SLC9A9: variants seen among roughly 807,000 people sequenced by gnomAD.
SLC9A9 encodes solute carrier family 9 member A9.
Under a neutral mutation model 77.8 loss-of-function variants are expected in SLC9A9, and 62 were observed. That is an observed-to-expected ratio of 0.80 (90% confidence interval 0.65 to 0.98). The LOEUF (loss-of-function observed/expected upper bound fraction) is 0.98. SLC9A9 is among the 50% of genes least tolerant of loss of function. SLC9A9 has a pLI of 0.00. For synonymous variants in SLC9A9, 320 were observed against 283.5 expected (o/e 1.13, Z -1.29); for missense variants, 775 against 774.9 (o/e 1.00, Z 0.00).
chr3:143,409,770 C>G (rs2034055476), intron 12 of SLC9A9, among the ~76,000 whole-genome samples: 1 of 152,176 alleles, frequency 6.6e-6, no homozygotes, highest in African/African-American at 2.4e-5. Context: ...CGTTTGTTAG[C>G]AGATTTGTTT....
intron 9 of SLC9A9, among the ~76,000 whole-genome samples, chr3:143,504,631 C>A (rs1436555523): frequency 1.3e-5 from 2 of 152,152 alleles, no homozygotes; most frequent in Non-Finnish European, 2.9e-5. Context: ...AATATTACTA[C>A]TTCTAAAATA....
intron 14 of SLC9A9, among the ~76,000 whole-genome samples, chr3:143,327,919 A>G (rs1360991526): frequency 6.6e-6 from 1 of 152,170 alleles, no homozygotes; most frequent in Non-Finnish European, 1.5e-5. Context: ...TTCCTCTTTT[A>G]TGTTCCACTA....
chr3:143,346,162 A>G (rs1206965109), intron 14 of SLC9A9, among the ~76,000 whole-genome samples: 1 of 152,176 alleles, frequency 6.6e-6, no homozygotes, highest in Non-Finnish European at 1.5e-5. Context: ...GATTTCTCCC[A>G]ATATGCCAGT....
intron 4 of SLC9A9, among the ~76,000 whole-genome samples, chr3:143,740,468 T>C (rs973600603): frequency 6.6e-6 from 1 of 152,202 alleles, no homozygotes; most frequent in African/African-American, 2.4e-5. Context: ...ATAGTGATAT[T>C]TGTCCTAATT....
chr3:143,572,670 T>C (rs1381037179), intron 8 of SLC9A9, among the ~76,000 whole-genome samples: 1 of 152,140 alleles, frequency 6.6e-6, no homozygotes, highest in Non-Finnish European at 1.5e-5. Flanking sequence ...CCTGGTAGGG[T>C]GGAATCCAGT....
intron 12 of SLC9A9, among the ~76,000 whole-genome samples, chr3:143,431,487 T>A (rs369713574): frequency 1.7e-4 from 16 of 95,124 alleles, no homozygotes; most frequent in Non-Finnish European, 2.6e-4. Flanking sequence ...GCCCCCACCT[T>A]TTTTTTTTTT....
chr3:143,421,875 C>T (rs1193997653), intron 12 of SLC9A9, among the ~76,000 whole-genome samples: 1 of 152,050 alleles, frequency 6.6e-6, no homozygotes, highest in Non-Finnish European at 1.5e-5. Context: ...CTACAGGGAA[C>T]TTAAACAACC....
intron 14 of SLC9A9, among the ~76,000 whole-genome samples, chr3:143,340,457 G>A (rs1170354274): frequency 1.3e-5 from 2 of 152,200 alleles, no homozygotes; most frequent in Non-Finnish European, 2.9e-5. Flanking sequence ...AGGCCTGGAG[G>A]CTATAGTGGG....
chr3:143,662,997 C>T (rs977820778), intron 5 of SLC9A9, among the ~76,000 whole-genome samples: 1 of 152,168 alleles, frequency 6.6e-6, no homozygotes, highest in Non-Finnish European at 1.5e-5. Context: ...CAAGTGGGTC[C>T]CTGACCCCCA....
intron 4 of SLC9A9, among the ~76,000 whole-genome samples, chr3:143,787,413 T>C (rs1272927764): frequency 1.3e-5 from 2 of 152,218 alleles, no homozygotes; most frequent in African/African-American, 2.4e-5. Context: ...GAAATAATCA[T>C]ACCATTGAAT....
rs536080339 is a variant in SLC9A9, at chr3:143,556,330, C to T, written c.1001-3880G>A. Among the ~76,000 whole-genome samples, 50 of 152,228 alleles carry T rather than the reference C, an allele frequency of 3.3e-4. 1 individual carries two copies. Among genetic ancestry groups the T allele is most frequent in the Non-Finnish European group, 3.8e-4 (26 of 68,052 alleles). On this transcript the variant is annotated intron_variant, in intron 8 of 15. Transcript: ENST00000316549. ...AACCAGTGTCTCAGCTCCAAACCCA[C>T]GTATCTTTACTGGCTCTGTGATCCT...
intron 8 of SLC9A9, among the ~76,000 whole-genome samples, chr3:143,572,056 A>G (rs1030887131): frequency 6.6e-6 from 1 of 152,108 alleles, no homozygotes; most frequent in Admixed American, 6.6e-5. Context: ...TCTTTCTGTT[A>G]CTGGGGTTCA....
At chr3:143,516,492 A>G (rs1206429892) in intron 9 of SLC9A9, among the ~76,000 whole-genome samples, 1 of 152,210 alleles carries the variant, frequency 6.6e-6, no homozygotes, top group Non-Finnish European at 1.5e-5. Flanking sequence ...AAGGATATAA[A>G]TGCCTTAATT....
At chr3:143,669,910 T>C (rs2039132287) in intron 5 of SLC9A9, among the ~76,000 whole-genome samples, 1 of 152,238 alleles carries the variant, frequency 6.6e-6, no homozygotes, top group Non-Finnish European at 1.5e-5. Flanking sequence ...TGGTGGTTAC[T>C]GTATTGTTAT....
At chr3:143,759,951 G>A (rs908577142) in intron 4 of SLC9A9, among the ~76,000 whole-genome samples, 7 of 151,950 alleles carry the variant, frequency 4.6e-5, no homozygotes, top group Non-Finnish European at 8.8e-5. Context: ...TTGGATCTCC[G>A]CACCCAAATC....
At chr3:143,405,461 G>T (rs2033956998) in intron 12 of SLC9A9, among the ~76,000 whole-genome samples, 2 of 152,014 alleles carry the variant, frequency 1.3e-5, no homozygotes, top group Admixed American at 1.3e-4. Context: ...CAGAAGCTGG[G>T]AGAGGAGGTG....
intron 4 of SLC9A9, among the ~76,000 whole-genome samples, chr3:143,791,999 T>C (rs2008238822): frequency 6.6e-6 from 1 of 152,254 alleles, no homozygotes; most frequent in East Asian, 1.9e-4. Context: ...ATTAATTATT[T>C]GACTCCGGAG....
At chr3:143,825,307 A>C (rs1414259447) in intron 2 of SLC9A9, among the ~76,000 whole-genome samples, 1 of 152,180 alleles carries the variant, frequency 6.6e-6, no homozygotes, top group African/African-American at 2.4e-5. Context: ...AAGCTCAAGT[A>C]AAGGAAAAGA....
At chr3:143,452,251 A>T (rs2035020446) in intron 12 of SLC9A9, among the ~76,000 whole-genome samples, 1 of 152,128 alleles carries the variant, frequency 6.6e-6, no homozygotes, top group African/African-American at 2.4e-5. Context: ...AGCATTACCA[A>T]TGGTGGAACA....
Sources: gnomAD v4.1 joint callset for allele counts (sites outside exome capture counted in the v4.1 genomes callset) on GRCh38, gnomAD v4.1.1 for gene constraint, MANE v1.5 for transcripts, NCBI Gene and HGNC (gene_info 2026-07-23, HGNC 2026-07-21) for gene names.